STK32C: variants seen among roughly 807,000 people sequenced by gnomAD.
The protein encoded by STK32C is serine/threonine-protein kinase 32C.
In STK32C, 31 loss-of-function variants were observed where a neutral mutation model predicts 56.5. The observed-to-expected ratio is 0.55, with a 90% CI of 0.41 to 0.74. The LOEUF (loss-of-function observed/expected upper bound fraction) is 0.74, where lower values mean the gene tolerates loss of function less well. STK32C is among the 30% of genes least tolerant of loss of function. STK32C has a pLI of 0.00. For synonymous variants in STK32C, 309 were observed against 289.4 expected, an observed-to-expected ratio of 1.07 and a Z score of -0.69; for missense variants, 544 against 676.9, an observed-to-expected ratio of 0.80 and a Z score of 2.18.
At chr10:132,275,526 G>A (rs1338995923) in intron 1 of STK32C, among the ~76,000 whole-genome samples, 13 of 152,210 alleles carry the variant, frequency 8.5e-5, no homozygotes, top group Non-Finnish European at 1.5e-5. Flanking sequence ...TTTTGCTCCA[G>A]AATCACCTCC....
intron 1 of STK32C, among the ~76,000 whole-genome samples, chr10:132,270,471 C>A (rs74161758): frequency 0.12 from 18,729 of 152,238 alleles, 1,918 homozygotes; most frequent in African/African-American, 0.28. Flanking sequence ...AAACCCTCCA[C>A]GGCACTTCTG....
rs992215790 is a variant in STK32C at position 132,260,813 on chromosome 10, G to A, written c.263-14858C>T. Reference sequence around the variant, plus strand: ...GAGACAGGGCCCAGTTAAAGCCCACGCCCAACACCACAGTGGCACCTGGGG... The same window carrying A: ...GAGACAGGGCCCAGTTAAAGCCCACACCCAACACCACAGTGGCACCTGGGG... On this transcript the variant is annotated intron_variant, in intron 1 of 11. Transcript: ENST00000298630. 5.9e-5 allele frequency among the ~76,000 whole-genome samples: 9 copies of A among 152,332 alleles called. No homozygotes were observed. The South Asian group carries it at 6.2e-4, about 11-fold the overall frequency.
At chr10:132,247,757 C>T (rs1213396275) in intron 1 of STK32C, among the ~76,000 whole-genome samples, 1 of 152,122 alleles carries the variant, frequency 6.6e-6, no homozygotes, top group Non-Finnish European at 1.5e-5. Context: ...GGTAGTGGGG[C>T]TTGACTCGCA....
chr10:132,304,336 A>C (rs1304352833), intron 1 of STK32C, among the ~76,000 whole-genome samples: 4 of 150,148 alleles, frequency 2.7e-5, no homozygotes, highest in Non-Finnish European at 5.9e-5. Flanking sequence ...AACCCACCAA[A>C]CCCCCCCAGT....
intron 10 of STK32C, among the ~76,000 whole-genome samples, chr10:132,219,985 A>G (rs938006343): frequency 6.6e-6 from 1 of 152,170 alleles, no homozygotes; most frequent in Non-Finnish European, 1.5e-5. Flanking sequence ...TCACCCTGAC[A>G]TCAACACACA....
At chr10:132,273,703 G>A (rs938432982) in intron 1 of STK32C, among the ~76,000 whole-genome samples, 10 of 152,148 alleles carry the variant, frequency 6.6e-5, no homozygotes, top group Admixed American at 2.6e-4. Context: ...GTAAATGAAC[G>A]AGTAGATGAG....
At chr10:132,318,913 G>A (rs1048740654) in intron 1 of STK32C, among the ~76,000 whole-genome samples, 13 of 151,750 alleles carry the variant, frequency 8.6e-5, no homozygotes, top group African/African-American at 2.9e-4. Context: ...TGGCAGAACT[G>A]GAGTCCATAT....
chr10:132,274,604 C>T (rs968120901), intron 1 of STK32C, among the ~76,000 whole-genome samples: 3 of 152,242 alleles, frequency 2.0e-5, no homozygotes, highest in African/African-American at 7.2e-5. Context: ...CAGAGCCTCC[C>T]CTGCCCTCAG....
chr10:132,235,055 T>TGTGAGTGGTGTGAG (rs2063227508), intron 2 of STK32C, among the ~76,000 whole-genome samples: 5 of 151,778 alleles, frequency 3.3e-5, no homozygotes, highest in South Asian at 2.1e-4. Flanking sequence ...GTATGAACTG[T>TGTGAGTGGTGTGAG]CTGAGTGGTG....
intron 1 of STK32C, among the ~76,000 whole-genome samples, chr10:132,328,162 G>T (rs2066538746): frequency 6.6e-6 from 1 of 152,178 alleles, no homozygotes; most frequent in South Asian, 2.1e-4. Context: ...TTATTACTCA[G>T]TCAGTCTCCC....
intron 1 of STK32C, among the ~76,000 whole-genome samples, chr10:132,299,896 C>T (rs1420889211): frequency 1.3e-5 from 2 of 152,216 alleles, no homozygotes; most frequent in Non-Finnish European, 1.5e-5. Context: ...TGAGGTCAGA[C>T]GTCACAAAGT....
At chr10:132,219,135 G>C (rs1408816146) in intron 10 of STK32C, among the ~76,000 whole-genome samples, 1 of 152,190 alleles carries the variant, frequency 6.6e-6, no homozygotes, top group Non-Finnish European at 1.5e-5. Flanking sequence ...GGTGGAGAAT[G>C]CACAGCCCTG....
At chr10:132,268,755 G>A (rs1322346304) in intron 1 of STK32C, among the ~76,000 whole-genome samples, 1 of 146,872 alleles carries the variant, frequency 6.8e-6, no homozygotes, top group African/African-American at 2.5e-5. Flanking sequence ...GTGTATGCAG[G>A]TTCAGCTCTA....
At chr10:132,264,254 T>C (rs1294129227) in intron 1 of STK32C, among the ~76,000 whole-genome samples, 1 of 152,232 alleles carries the variant, frequency 6.6e-6, no homozygotes, top group Non-Finnish European at 1.5e-5. Context: ...GAATTTCACT[T>C]CAATTAACAA....
rs1402499222 is a variant in STK32C, at chr10:132,280,470, T to G, written c.262+27102A>C. On this transcript the variant is annotated intron_variant, in intron 1 of 11. Transcript: ENST00000298630. ...CCACTGCACCCCATGATCACGCCCC[T>G]GCACTCCGTGATCATGCCACCTGTG... 2.2e-5 allele frequency among the ~76,000 whole-genome samples: 3 copies of G among 136,866 alleles called. No individual in the cohort carries two copies. In the East Asian group the frequency reaches 6.9e-4, roughly 32 times the overall value. The allele number at this position is 136,866 out of a possible 152,430, so 89.8% of individuals were successfully genotyped here. A position where few individuals can be genotyped will look rare whatever the true frequency, so the allele number is the denominator to read the frequency against.
At chr10:132,267,683 GCATGTGCATGCA>G (rs1158399007) in intron 1 of STK32C, among the ~76,000 whole-genome samples, 1 of 141,552 alleles carries the variant, frequency 7.1e-6, no homozygotes, top group African/African-American at 2.8e-5. Flanking sequence ...GTGTGTGCAT[GCATGTGCATGCA>G]GGTTCAGCTC....
intron 8 of STK32C, among the ~76,000 whole-genome samples, chr10:132,224,022 T>G (rs1008641593): frequency 1.3e-5 from 2 of 152,170 alleles, no homozygotes; most frequent in African/African-American, 4.8e-5. Context: ...GTCCCGGAGA[T>G]AGCATGGGCT....
At chr10:132,293,581 C>T (rs1355622229) in intron 1 of STK32C, among the ~76,000 whole-genome samples, 1 of 152,252 alleles carries the variant, frequency 6.6e-6, no homozygotes, top group South Asian at 2.1e-4. Flanking sequence ...GGGAGCAAGG[C>T]AGCCGGCCAG....
chr10:132,315,462 T>C (rs1564800832), intron 1 of STK32C, among the ~76,000 whole-genome samples: 1 of 152,104 alleles, frequency 6.6e-6, no homozygotes, highest in Non-Finnish European at 1.5e-5. Context: ...TCTACACATG[T>C]ATCCCAGAAC....
Sources: gnomAD v4.1 joint callset for allele counts (sites outside exome capture counted in the v4.1 genomes callset) on GRCh38, gnomAD v4.1.1 for gene constraint, MANE v1.5 for transcripts, NCBI Gene and HGNC (gene_info 2026-07-23, HGNC 2026-07-21) for gene names.